NCOA2: variants seen among roughly 807,000 people sequenced by gnomAD.
The protein encoded by NCOA2 is class E basic helix-loop-helix protein 75.
Under a neutral mutation model 145.1 loss-of-function variants are expected in NCOA2, and 21 were observed. The ratio of observed to expected loss-of-function variants is 0.14; its 90% CI spans 0.10 to 0.21. The LOEUF is 0.21. Ranked by LOEUF, NCOA2 falls within the 10% of genes least tolerant of loss-of-function variation. NCOA2 has a pLI of 1.00. For missense variants in NCOA2, 1,472 were observed against 1,837.6 expected (o/e 0.80, Z 3.64); for synonymous variants, 619 against 637.5 (o/e 0.97, Z 0.44).
rs929782742 is a variant in NCOA2 at position 70,110,720 on chromosome 8, T to C, written c.*2912A>G. 1 of 220,936 alleles carries C rather than the reference T, an allele frequency of 4.5e-6. No individual in the cohort carries two copies. The highest frequency in any genetic ancestry group is 2.2e-5 in the African/African-American group (1 of 44,748). 13.7% of individuals were successfully genotyped at this position (220,936 alleles called of 1,614,324 possible). On this transcript the variant is annotated 3_prime_UTR_variant, in exon 23 of 23. Transcript: ENST00000452400. ...ACTGCAAAAACATTGCTTTCAATTATTACAGGCCATAAGAGATACACATAG... is the reference window on the plus strand; with the variant it reads ...ACTGCAAAAACATTGCTTTCAATTACTACAGGCCATAAGAGATACACATAG...
At chr8:70,318,112 C>T (rs1036588581) in intron 1 of NCOA2, among the ~76,000 whole-genome samples, 6 of 152,222 alleles carry the variant, frequency 3.9e-5, no homozygotes, top group Non-Finnish European at 2.9e-5. Flanking sequence ...AAAGTTAGGC[C>T]CTCAGGTCAA....
intron 2 of NCOA2, among the ~76,000 whole-genome samples, chr8:70,232,496 C>G (rs1052932848): frequency 7.2e-5 from 11 of 152,084 alleles, no homozygotes; most frequent in African/African-American, 2.7e-4. Flanking sequence ...AGTAAATACC[C>G]GTTCAATTTG....
rs936649758 is a variant in NCOA2, at chr8:70,128,770, T to G, written c.3535A>C (p.Thr1179Pro). 6.2e-7 allele frequency: 1 copy of G among 1,614,030 alleles called. No individual in the cohort carries two copies. Among genetic ancestry groups the G allele is most frequent in the Non-Finnish European group, 8.5e-7 (1 of 1,179,882 alleles). ...TTTGGCTGGTTCTGCACTAGGCCCG[T>G]GGGCCTGAGGCCCGGTCTGGGCTGC... ...RMQPRPGLRP[T>P]GLVQNQPNQL... Residue 1179 changes from threonine (T) to proline (P), a missense_variant, in exon 17 of 23, where the codon ACG becomes CCG. Around this residue, in one of 4 missense-constraint regions of NCOA2, gnomAD observed 953 missense variants for 1,062.1 expected, o/e 0.90. Transcript: ENST00000452400.
chr8:70,121,086 T>C (rs572701980), intron 22 of NCOA2, among the ~76,000 whole-genome samples: 2 of 152,324 alleles, frequency 1.3e-5, no homozygotes, highest in Admixed American at 6.5e-5. Flanking sequence ...AAAAAAAATT[T>C]AGTGTTCTTA....
chr8:70,387,335 A>C (rs576084629), intron 1 of NCOA2, among the ~76,000 whole-genome samples: 1 of 152,318 alleles, frequency 6.6e-6, no homozygotes, highest in South Asian at 2.1e-4. Flanking sequence ...CATGTTGGCA[A>C]TATCAGAAAG....
chr8:70,439,439 T>C, the NCOA2 span, among the ~76,000 whole-genome samples: 10 of 152,300 alleles, frequency 6.6e-5, no homozygotes, highest in African/African-American at 2.2e-4. Flanking sequence ...GATTTGGGTC[T>C]GATCAGTCAG....
At chr8:70,131,700 G>T in intron 16 of NCOA2, 137 bp downstream of exon 16, 1 of 912,116 alleles carries the variant, frequency 1.1e-6, no homozygotes, top group Non-Finnish European at 1.6e-6. Flanking sequence ...AAGAAACAGG[G>T]CCAGCCTGTT....
chr8:70,279,095 A>C (rs1334598997), intron 2 of NCOA2, among the ~76,000 whole-genome samples: 1 of 152,098 alleles, frequency 6.6e-6, no homozygotes, highest in African/African-American at 2.4e-5. Context: ...TCGCCTTACC[A>C]ATCTCCATAA....
At position 70,110,981 on chromosome 8, in the gene NCOA2, A is replaced by G. The variant is rs546642842; in HGVS notation, c.*2651T>C. 1 of 223,012 alleles carries G rather than the reference A, an allele frequency of 4.5e-6. No individual in the cohort carries two copies. The highest frequency in any genetic ancestry group is 8.9e-6 in the Non-Finnish European group (1 of 111,746). The allele number at this position is 223,012 out of a possible 1,614,324, so 13.8% of individuals were successfully genotyped here. ...GTCTAACAAATTTATTGTGTACAGCATGAGAAATACTGATAATGAAGGGAA... is the reference window on the plus strand; with the variant it reads ...GTCTAACAAATTTATTGTGTACAGCGTGAGAAATACTGATAATGAAGGGAA... On this transcript the variant is annotated 3_prime_UTR_variant, in exon 23 of 23. Coordinates refer to ENST00000452400, the MANE Select transcript of NCOA2 (RefSeq NM_006540.4).
At chr8:70,407,272 G>A (rs115271647), upstream of NCOA2, among the ~76,000 whole-genome samples, 204 of 152,272 alleles carry the variant, frequency 1.3e-3, no homozygotes, top group African/African-American at 4.6e-3. Flanking sequence ...CCCTTAAATA[G>A]TATAACTACA....
intron 3 of NCOA2, among the ~76,000 whole-genome samples, chr8:70,215,692 A>G (rs899383518): frequency 1.3e-5 from 2 of 152,080 alleles, no homozygotes; most frequent in Admixed American, 6.6e-5. Context: ...TTAATTCTTA[A>G]AATTATTTAT....
intron 10 of NCOA2, 45 bp downstream of exon 10, chr8:70,159,460 C>T (rs2272670): frequency 0.71 from 1,069,780 of 1,498,516 alleles, 394,563 homozygotes; most frequent in Non-Finnish European, 0.77. Context: ...GTAATATCTC[C>T]TCTTAACTTG....
intron 4 of NCOA2, among the ~76,000 whole-genome samples, chr8:70,202,352 G>T (rs1256747477): frequency 1.3e-5 from 2 of 152,128 alleles, no homozygotes; most frequent in African/African-American, 4.8e-5. Context: ...ATACCCAAAA[G>T]AATTGAAAAC....
intron 4 of NCOA2, among the ~76,000 whole-genome samples, chr8:70,193,612 G>T (rs930803257): frequency 5.9e-5 from 9 of 152,122 alleles, no homozygotes; most frequent in Admixed American, 3.3e-4. Flanking sequence ...GTCTACCAGA[G>T]GAAAAAAGCT....
intron 21 of NCOA2, 24 bp from the exon 22 acceptor site, chr8:70,121,415 T>C (rs1807795842): frequency 6.3e-7 from 1 of 1,579,830 alleles, no homozygotes; most frequent in Non-Finnish European, 8.7e-7. Flanking sequence ...GACAGGACAG[T>C]GGCTACGCAG....
intron 1 of NCOA2, among the ~76,000 whole-genome samples, chr8:70,355,157 A>G (rs1809571312): frequency 6.6e-6 from 1 of 152,244 alleles, no homozygotes. Flanking sequence ...TATGTTGACC[A>G]TATGTGTGGC....
intron 1 of NCOA2, among the ~76,000 whole-genome samples, chr8:70,380,103 A>C (rs1239512938): frequency 6.6e-6 from 1 of 152,222 alleles, no homozygotes; most frequent in African/African-American, 2.4e-5. Context: ...AGTGTCAAGC[A>C]GGTTCTTAAT....
At chr8:70,216,035 T>G (rs948313581) in intron 3 of NCOA2, among the ~76,000 whole-genome samples, 4 of 152,278 alleles carry the variant, frequency 2.6e-5, no homozygotes, top group African/African-American at 9.6e-5. Context: ...CCGAATCTTT[T>G]GCAATTTGAG....
intron 15 of NCOA2, 26 bp from the exon 16 acceptor site, chr8:70,132,028 G>C: frequency 6.2e-7 from 1 of 1,601,490 alleles, no homozygotes; most frequent in Non-Finnish European, 8.5e-7. Flanking sequence ...TGTCACCTTG[G>C]GCCAATGGAA....
Sources: gnomAD v4.1 joint callset for allele counts (sites outside exome capture counted in the v4.1 genomes callset) on GRCh38, gnomAD v4.1.1 for gene constraint, gnomAD v4.1.1 regional missense constraint, MANE v1.5 for transcripts, NCBI Gene and HGNC (gene_info 2026-07-23, HGNC 2026-07-21) for gene names.